Variants in ABLIM1 observed in about 807,000 individuals in gnomAD.
The protein encoded by ABLIM1 is actin-binding LIM protein 1.
In ABLIM1, 40 loss-of-function variants were observed where a neutral mutation model predicts 107.0. That is an observed-to-expected ratio of 0.37 (90% CI 0.29 to 0.49). The LOEUF (loss-of-function observed/expected upper bound fraction) is 0.49, where lower values mean the gene tolerates loss of function less well. ABLIM1 is among the 20% of genes least tolerant of loss of function. The pLI is 0.97. For missense variants in ABLIM1, 857 were observed against 1,008.5 expected (o/e 0.85, Z 2.04); for synonymous variants, 357 against 357.3 (o/e 1.00, Z 0.01).
At chr10:114,545,895 C>T (rs2067259208) in intron 5 of ABLIM1, among the ~76,000 whole-genome samples, 1 of 136,132 alleles carries the variant, frequency 7.3e-6, no homozygotes, top group Admixed American at 8.1e-5. Flanking sequence ...CGCACCATTG[C>T]ATTCCAGCCT....
At chr10:114,767,118 C>A (rs1209191543) in intron 1 of ABLIM1, among the ~76,000 whole-genome samples, 2 of 87,792 alleles carry the variant, frequency 2.3e-5, no homozygotes, top group Non-Finnish European at 4.6e-5. Context: ...TGAAAAGCAG[C>A]GCTTAATTAT....
At chr10:114,741,259 T>G in intron 1 of ABLIM1, among the ~76,000 whole-genome samples, 1 of 132,204 alleles carries the variant, frequency 7.6e-6, no homozygotes, top group African/African-American at 2.8e-5. Context: ...GGAGTTTCGC[T>G]TTGTCGCCCA....
chr10:114,766,718 A>G (rs973053270), intron 1 of ABLIM1, among the ~76,000 whole-genome samples: 3 of 152,224 alleles, frequency 2.0e-5, no homozygotes, highest in African/African-American at 7.2e-5. Flanking sequence ...GATATTCTCC[A>G]TATGTTCCTT....
chr10:114,719,441 T>C (rs2142029589), intron 1 of ABLIM1, among the ~76,000 whole-genome samples: 1 of 152,312 alleles, frequency 6.6e-6, no homozygotes, highest in South Asian at 2.1e-4. Context: ...GGATGCCAAA[T>C]CCTATCCTTA....
intron 1 of ABLIM1, among the ~76,000 whole-genome samples, chr10:114,712,622 C>T (rs2081577681): frequency 6.6e-6 from 1 of 152,106 alleles, no homozygotes. Flanking sequence ...TTTTCCTCTT[C>T]GTTGTCACCA....
rs181800003 is a variant in ABLIM1, at chr10:114,608,445, G to A, written c.245-6484C>T. Among the ~76,000 whole-genome samples, 427 of 152,278 alleles carry A rather than the reference G, an allele frequency of 2.8e-3. 1 individual carries two copies. The highest frequency in any genetic ancestry group is 9.5e-3 in the African/African-American group (393 of 41,556). On this transcript the variant is annotated intron_variant, in intron 1 of 22. Transcript: ENST00000533213. ...AGCACTTTGGGAGGCCGAGGCGGGCGGATCACCTGAGGTTGGGAGTTCGTG... is the reference window on the plus strand; with the variant it reads ...AGCACTTTGGGAGGCCGAGGCGGGCAGATCACCTGAGGTTGGGAGTTCGTG...
At chr10:114,576,684 C>A (rs943996436) in intron 2 of ABLIM1, among the ~76,000 whole-genome samples, 7 of 152,136 alleles carry the variant, frequency 4.6e-5, no homozygotes, top group African/African-American at 1.7e-4. Context: ...CACCTTCAGT[C>A]AGGACTCTTC....
At chr10:114,745,299 G>GCCTGTAAT (rs1474020623) in intron 1 of ABLIM1, among the ~76,000 whole-genome samples, 70 of 152,228 alleles carry the variant, frequency 4.6e-4, no homozygotes, top group Admixed American at 4.5e-3. Flanking sequence ...AGTGGCTCAC[G>GCCTGTAAT]CCTGTAATCC....
chr10:114,589,181 T>C (rs1265315416), intron 2 of ABLIM1, among the ~76,000 whole-genome samples: 4 of 151,162 alleles, frequency 2.6e-5, no homozygotes, highest in East Asian at 1.9e-4. Flanking sequence ...TGTATAGCTG[T>C]ACGATGCGTG....
chr10:114,514,142 G>A (rs2062396011), intron 6 of ABLIM1, among the ~76,000 whole-genome samples: 1 of 152,076 alleles, frequency 6.6e-6, no homozygotes, highest in South Asian at 2.1e-4. Context: ...AGTGAAATGA[G>A]GCCGGGTGCA....
In ABLIM1 at chr10:114,577,967, T is replaced by C. The variant is rs193169305; in HGVS notation, c.380-2368A>G. Among the ~76,000 whole-genome samples, 161 of 152,228 alleles carry C rather than the reference T, an allele frequency of 1.1e-3. No homozygotes were observed. The Middle Eastern group carries it at 0.014, about 13-fold the overall frequency. ...CAGCTGTCACATCATTTCAGACTCT[T>C]CCCTCTCTTGCCTCCCCAGGCTTTA... On this transcript the variant is annotated intron_variant, in intron 2 of 22. Coordinates refer to ENST00000533213, the MANE Select transcript of ABLIM1 (RefSeq NM_002313.7).
the ABLIM1 span, among the ~76,000 whole-genome samples, chr10:114,774,306 C>T: frequency 1.3e-5 from 2 of 152,256 alleles, no homozygotes; most frequent in Admixed American, 6.5e-5. Context: ...TAAAGTGAGT[C>T]CTATGAATGC....
At chr10:114,746,230 C>G (rs1477252989) in intron 1 of ABLIM1, among the ~76,000 whole-genome samples, 1 of 152,178 alleles carries the variant, frequency 6.6e-6, no homozygotes, top group African/African-American at 2.4e-5. Flanking sequence ...TGACTACTAT[C>G]ATCTCCCCAT....
chr10:114,698,315 T>C (rs960265916), intron 1 of ABLIM1, among the ~76,000 whole-genome samples: 2 of 143,470 alleles, frequency 1.4e-5, no homozygotes, highest in African/African-American at 5.2e-5. Context: ...ATAACAATTA[T>C]GAAAATAAAA....
intron 6 of ABLIM1, among the ~76,000 whole-genome samples, chr10:114,541,198 A>G (rs1197766908): frequency 6.6e-6 from 1 of 152,138 alleles, no homozygotes; most frequent in Non-Finnish European, 1.5e-5. Flanking sequence ...CAGAGACAGC[A>G]TTGCCTTGCC....
intron 1 of ABLIM1, among the ~76,000 whole-genome samples, chr10:114,742,493 T>C (rs1294395785): frequency 1.3e-5 from 2 of 152,236 alleles, no homozygotes; most frequent in African/African-American, 4.8e-5. Flanking sequence ...CATTCTCATC[T>C]GCACTCCTCA....
chr10:114,478,679 C>G (rs988888941), intron 8 of ABLIM1, among the ~76,000 whole-genome samples: 1 of 152,196 alleles, frequency 6.6e-6, no homozygotes, highest in Non-Finnish European at 1.5e-5. Context: ...AACTGTGGGT[C>G]AATTAAACCT....
At chr10:114,631,203 A>T (rs748667864) in intron 1 of ABLIM1, among the ~76,000 whole-genome samples, 5 of 152,206 alleles carry the variant, frequency 3.3e-5, no homozygotes, top group Non-Finnish European at 5.9e-5. Context: ...AATCATTTCA[A>T]CTATCATTCA....
intron 1 of ABLIM1, among the ~76,000 whole-genome samples, chr10:114,617,204 G>T (rs1236559973): frequency 6.6e-6 from 1 of 150,740 alleles, no homozygotes; most frequent in Non-Finnish European, 1.5e-5. Context: ...GCCGAAGGCA[G>T]TTGAACACTG....
Sources: gnomAD v4.1 joint callset for allele counts (sites outside exome capture counted in the v4.1 genomes callset) on GRCh38, gnomAD v4.1.1 for gene constraint, MANE v1.5 for transcripts, NCBI Gene and HGNC (gene_info 2026-07-23, HGNC 2026-07-21) for gene names.